The following DPYD variants were observed in gnomAD, a reference collection of about 807,000 sequenced individuals.
The protein encoded by DPYD is dihydropyrimidine dehydrogenase [NADP(+)].
A neutral mutation model predicts 116.2 loss-of-function variants in DPYD; 109 were observed. The ratio of observed to expected loss-of-function variants is 0.94; its 90% CI spans 0.80 to 1.10. DPYD has a LOEUF of 1.10. Among genes scored for constraint, DPYD ranks in the 50% least tolerant of loss-of-function variants. The pLI is 0.00. For synonymous variants in DPYD, 440 were observed against 432.0 expected, an observed-to-expected ratio of 1.02 and a Z score of -0.23; for missense variants, 1,302 against 1,254.5, an observed-to-expected ratio of 1.04 and a Z score of -0.57.
rs1043141915 is a variant in DPYD, at chr1:97,581,314, G to A, written c.1129-7344C>T. 3.0e-4 allele frequency among the ~76,000 whole-genome samples: 31 copies of A among 104,416 alleles called. No homozygotes were observed. In the Admixed American group the frequency reaches 4.2e-3, roughly 14 times the overall value. 68.5% of individuals were successfully genotyped at this position (104,416 alleles called of 152,430 possible). The stretch of plus-strand genomic sequence containing the variant: ...TGCACTCCAGCCTGGGCGACAGAGC[G>A]AGACTCAGTCTCAAAAAAAAAAAAA... On this transcript the variant is annotated intron_variant, in intron 10 of 22. Coordinates refer to ENST00000370192, the MANE Select transcript of DPYD (RefSeq NM_000110.4).
At chr1:97,134,011 A>T (rs1570521182) in intron 20 of DPYD, among the ~76,000 whole-genome samples, 7 of 35,224 alleles carry the variant, frequency 2.0e-4, no homozygotes, top group Admixed American at 3.6e-4. Context: ...AAAAAAAAAA[A>T]AAAATATATA....
chr1:97,330,310 G>A (rs992083399), intron 16 of DPYD, among the ~76,000 whole-genome samples: 5 of 152,162 alleles, frequency 3.3e-5, no homozygotes, highest in Admixed American at 6.6e-5. Context: ...TGTTATAACT[G>A]TTGTTTAATT....
chr1:97,486,827 C>CT (rs1428077646), intron 13 of DPYD, among the ~76,000 whole-genome samples: 1 of 151,780 alleles, frequency 6.6e-6, no homozygotes, highest in East Asian at 1.9e-4. Flanking sequence ...GTAAAGTTTT[C>CT]TTTTTTATAT....
intron 20 of DPYD, among the ~76,000 whole-genome samples, chr1:97,183,437 C>A (rs913214084): frequency 1.3e-5 from 2 of 152,008 alleles, no homozygotes; most frequent in Non-Finnish European, 2.9e-5. Flanking sequence ...TATTTCTGGA[C>A]TTTCTATCCA....
At chr1:97,381,464 T>C (rs944261360) in intron 15 of DPYD, among the ~76,000 whole-genome samples, 5 of 152,192 alleles carry the variant, frequency 3.3e-5, no homozygotes, top group African/African-American at 1.2e-4. Context: ...GAAGATTTCA[T>C]GGTCAATTAG....
chr1:97,519,187 G>C (rs1182264575), intron 12 of DPYD, among the ~76,000 whole-genome samples: 1 of 152,098 alleles, frequency 6.6e-6, no homozygotes, highest in Non-Finnish European at 1.5e-5. Context: ...TCAAAACTGG[G>C]CAATTTACAA....
At chr1:97,470,945 G>C (rs1286426161) in intron 13 of DPYD, among the ~76,000 whole-genome samples, 2 of 151,934 alleles carry the variant, frequency 1.3e-5, no homozygotes, top group Non-Finnish European at 2.9e-5. Context: ...AGCTGAGATC[G>C]CATCACTGCA....
chr1:97,350,862 A>G (rs577986736), intron 16 of DPYD, among the ~76,000 whole-genome samples: 154 of 152,272 alleles, frequency 1.0e-3, no homozygotes, highest in African/African-American at 3.6e-3. Flanking sequence ...GTGTCATGTC[A>G]AAGACTTGTA....
At chr1:97,503,764 A>T (rs1679727666) in intron 13 of DPYD, among the ~76,000 whole-genome samples, 1 of 151,990 alleles carries the variant, frequency 6.6e-6, no homozygotes, top group African/African-American at 2.4e-5. Flanking sequence ...CTGCCATATT[A>T]AAAAAATTAA....
chr1:97,147,999 A>G (rs572388615), intron 20 of DPYD, among the ~76,000 whole-genome samples: 2 of 152,280 alleles, frequency 1.3e-5, no homozygotes, highest in Admixed American at 6.5e-5. Context: ...GAGAAGGGAG[A>G]TAAGTGCAAG....
intron 3 of DPYD, among the ~76,000 whole-genome samples, chr1:97,801,448 C>T (rs940783455): frequency 2.0e-5 from 3 of 151,894 alleles, no homozygotes; most frequent in Admixed American, 6.6e-5. Context: ...GGCCCTGCCA[C>T]GAGCTTATAT....
intron 1 of DPYD, among the ~76,000 whole-genome samples, chr1:97,884,548 T>G (rs1217720610): frequency 1.3e-5 from 2 of 152,078 alleles, no homozygotes; most frequent in East Asian, 3.9e-4. Context: ...AATTAAAAAG[T>G]GGCAGCTGAG....
intron 1 of DPYD, among the ~76,000 whole-genome samples, chr1:97,895,157 G>T (rs905525734): frequency 6.6e-6 from 1 of 151,798 alleles, no homozygotes; most frequent in South Asian, 2.1e-4. Flanking sequence ...TGGCTCCTAT[G>T]TAAAATTGGC....
chr1:97,349,227 T>C (rs1371781441), intron 16 of DPYD, among the ~76,000 whole-genome samples: 1 of 151,922 alleles, frequency 6.6e-6, no homozygotes, highest in African/African-American at 2.4e-5. Context: ...TTTCCTGGCA[T>C]AAAATAAGCT....
At chr1:97,096,079 G>C (rs1249604110) in intron 21 of DPYD, 1 of 152,174 alleles carries the variant, frequency 6.6e-6, no homozygotes, top group Admixed American at 6.5e-5. Context: ...GACAACTTAG[G>C]AGAGGAACAT....
At chr1:97,467,444 T>G (rs1171468820) in intron 13 of DPYD, among the ~76,000 whole-genome samples, 1 of 152,184 alleles carries the variant, frequency 6.6e-6, no homozygotes, top group Admixed American at 6.5e-5. Flanking sequence ...CCAAAACCAA[T>G]GTGAAACCTC....
At chr1:97,558,733 A>G (rs932950806) in intron 11 of DPYD, among the ~76,000 whole-genome samples, 1 of 152,192 alleles carries the variant, frequency 6.6e-6, no homozygotes, top group Non-Finnish European at 1.5e-5. Context: ...TTTGTATTCT[A>G]TTGGAAGTTT....
intron 4 of DPYD, among the ~76,000 whole-genome samples, chr1:97,729,090 G>A (rs994598628): frequency 1.3e-5 from 2 of 152,036 alleles, no homozygotes; most frequent in Non-Finnish European, 2.9e-5. Flanking sequence ...TTGGTTCAGT[G>A]AGCCTCGTTT....
intron 14 of DPYD, among the ~76,000 whole-genome samples, chr1:97,388,776 G>A (rs972818016): frequency 6.6e-6 from 1 of 152,028 alleles, no homozygotes; most frequent in Non-Finnish European, 1.5e-5. Flanking sequence ...ACAAGATCAC[G>A]GGAGGACTAA....
Sources: allele counts gnomAD v4.1 joint callset (sites outside exome capture counted in the v4.1 genomes callset), GRCh38; gene constraint gnomAD v4.1.1; transcripts MANE v1.5; gene names NCBI Gene and HGNC (gene_info 2026-07-23, HGNC 2026-07-21).